Variants in FAP observed in about 807,000 individuals in gnomAD.
The protein encoded by FAP is prolyl endopeptidase FAP.
In FAP, 110 loss-of-function variants were observed where a neutral mutation model predicts 126.5. The ratio of observed to expected loss-of-function variants is 0.87; its 90% confidence interval spans 0.74 to 1.02. The LOEUF (loss-of-function observed/expected upper bound fraction) is 1.02. FAP is among the 50% of genes least tolerant of loss of function. The pLI is 0.00. For missense variants in FAP, 919 were observed against 909.2 expected (o/e 1.01, Z -0.14); for synonymous variants, 334 against 297.3 (o/e 1.12, Z -1.27).
At chr2:162,207,477 C>T (rs930349410) in intron 12 of FAP, among the ~76,000 whole-genome samples, 9 of 152,020 alleles carry the variant, frequency 5.9e-5, no homozygotes, top group African/African-American at 2.2e-4. Flanking sequence ...ATCACATGTC[C>T]CAGATAAGTA....
chr2:162,224,918 G>A (rs941982401), intron 4 of FAP, among the ~76,000 whole-genome samples: 1 of 152,110 alleles, frequency 6.6e-6, no homozygotes, highest in Non-Finnish European at 1.5e-5. Flanking sequence ...TCTAAACTTG[G>A]TTTCAAAAGA....
At chr2:162,183,240 C>G (rs1687751587) in intron 21 of FAP, among the ~76,000 whole-genome samples, 174 bp downstream of exon 21, 1 of 151,976 alleles carries the variant, frequency 6.6e-6, no homozygotes, top group Non-Finnish European at 1.5e-5. Flanking sequence ...AAAAAAGGAA[C>G]AAACACTTAA....
chr2:162,190,595 A>G (rs569500246), intron 17 of FAP, among the ~76,000 whole-genome samples: 1 of 152,258 alleles, frequency 6.6e-6, no homozygotes, highest in African/African-American at 2.4e-5. Flanking sequence ...GGCTTTTTAT[A>G]GACCTTATTT....
At position 162,174,858 on chromosome 2, in the gene FAP, T is replaced by C. The variant is rs1687431466; in HGVS notation, c.1969+9A>G. On this transcript the variant is annotated intron_variant, in intron 22 of 25. Transcript: ENST00000188790. ...GCTTTCACAGTAACATTAATGAATGTTTCCATACCGTAATATTCCCAGCTG... is the reference window on the plus strand; with the variant it reads ...GCTTTCACAGTAACATTAATGAATGCTTCCATACCGTAATATTCCCAGCTG... The C allele has an allele frequency of 6.3e-7, 1 of 1,581,556 alleles. No individual in the cohort carries two copies. The highest frequency in any genetic ancestry group is 8.7e-7 in the Non-Finnish European group (1 of 1,151,026).
chr2:162,212,186 A>T (rs1285781301), intron 11 of FAP, among the ~76,000 whole-genome samples: 1 of 152,192 alleles, frequency 6.6e-6, no homozygotes, highest in Admixed American at 6.5e-5. Flanking sequence ...GATTTTGATA[A>T]ATTAGAATTT....
At chr2:162,207,331 T>C (rs1159276814) in intron 12 of FAP, among the ~76,000 whole-genome samples, 1 of 152,216 alleles carries the variant, frequency 6.6e-6, no homozygotes, top group Non-Finnish European at 1.5e-5. Flanking sequence ...CAAATAATTT[T>C]TGATAATTTC....
chr2:162,181,232 G>A (rs981573556), intron 21 of FAP, among the ~76,000 whole-genome samples: 1 of 151,474 alleles, frequency 6.6e-6, no homozygotes, highest in African/African-American at 2.4e-5. Flanking sequence ...AGCCGAGATC[G>A]TACCACTGCA....
rs1163422362 is a variant in FAP at position 162,223,619 on chromosome 2, G to A, written c.402C>T (p.Asp134=). 6.2e-7 allele frequency: 1 copy of A among 1,604,196 alleles called. No individual in the cohort carries two copies. Among genetic ancestry groups the A allele is most frequent in the Admixed American group, 1.7e-5 (1 of 59,934 alleles). The part of the protein sequence containing the change: ...YSYTATYYIY[D]LSNGEFVRGN... ...CAGAGGTGATTTACCCATTGCTAAG[G>A]TCATAGATGTAATATGTTGCTGTGT... Residue 134 remains aspartate, a synonymous_variant, in exon 6 of 26, where the codon GAC becomes GAT. Transcript: ENST00000188790.
At chr2:162,204,166 G>GGTCTTT (rs1553687772) in intron 12 of FAP, among the ~76,000 whole-genome samples, 1 of 152,126 alleles carries the variant, frequency 6.6e-6, no homozygotes, top group East Asian at 1.9e-4. Context: ...GACCTATCCT[G>GGTCTTT]GTGAGACCTA....
chr2:162,189,218 G>A (rs766295106), intron 18 of FAP, 46 bp from the exon 19 acceptor site: 3 of 1,145,232 alleles, frequency 2.6e-6, no homozygotes, highest in East Asian at 4.9e-5. Flanking sequence ...CACAGCACTA[G>A]TAGCATCATT....
intron 20 of FAP, among the ~76,000 whole-genome samples, chr2:162,186,802 C>G (rs1687880426): frequency 6.6e-6 from 1 of 151,984 alleles, no homozygotes; most frequent in South Asian, 2.1e-4. Context: ...TGGAATTAAG[C>G]TATAATTCTG....
intron 21 of FAP, 56 bp from the exon 22 acceptor site, chr2:162,175,022 A>G (rs1283512592): frequency 8.0e-6 from 10 of 1,244,882 alleles, no homozygotes; most frequent in East Asian, 4.7e-5. Flanking sequence ...GCTTTCCTCC[A>G]TATGTTTATA....
chr2:162,230,024 G>A (rs1011191982), intron 2 of FAP, among the ~76,000 whole-genome samples: 3 of 152,152 alleles, frequency 2.0e-5, no homozygotes, highest in East Asian at 1.9e-4. Flanking sequence ...CACAGATTGG[G>A]CTGGGATGAT....
chr2:162,221,942 C>T (rs943310346), intron 6 of FAP, among the ~76,000 whole-genome samples: 2 of 151,854 alleles, frequency 1.3e-5, no homozygotes, highest in African/African-American at 2.4e-5. Flanking sequence ...CTAAATTATG[C>T]TGTATTTACC....
At chr2:162,192,667 G>T (rs1342207659) in intron 17 of FAP, among the ~76,000 whole-genome samples, 1 of 152,054 alleles carries the variant, frequency 6.6e-6, no homozygotes, top group Non-Finnish European at 1.5e-5. Context: ...GATCCAAAAT[G>T]ATGTCACTAC....
chr2:162,188,965 G>T, intron 19 of FAP, 138 bp downstream of exon 19: 2 of 460,726 alleles, frequency 4.3e-6, no homozygotes, highest in Non-Finnish European at 7.9e-6. Flanking sequence ...TATTTACTCT[G>T]ATTAGTTGAA....
chr2:162,192,958 C>A (rs1339938803), intron 17 of FAP, among the ~76,000 whole-genome samples: 13 of 152,092 alleles, frequency 8.5e-5, no homozygotes, highest in African/African-American at 2.9e-4. Flanking sequence ...TATCTTAGAA[C>A]TTACCCCACT....
Position 162,225,343 on chromosome 2 carries a change from G to C in FAP, c.285+140C>G, listed in dbSNP as rs558501799. 6 of 1,031,080 alleles carry C rather than the reference G, an allele frequency of 5.8e-6. No homozygotes were observed. In the East Asian group the frequency reaches 1.8e-4, roughly 30 times the overall value. 63.9% of individuals were successfully genotyped at this position (1,031,080 alleles called of 1,614,324 possible). A position where few individuals can be genotyped will look rare whatever the true frequency, so the allele number is the denominator to read the frequency against. On this transcript the variant is annotated intron_variant, in intron 4 of 25. Coordinates refer to ENST00000188790, the MANE Select transcript of FAP (RefSeq NM_004460.5). ...AGTAGTCTAATGGGACTAGCAGACA[G>C]AACGGGAAGACTCTAGTGGAGTATG...
intron 17 of FAP, 79 bp from the exon 18 acceptor site, chr2:162,189,833 A>T: frequency 1.4e-6 from 1 of 739,074 alleles, no homozygotes; most frequent in South Asian, 1.7e-5. Context: ...CTTTGACTTC[A>T]ATATGGGTGA....
Sources: gnomAD v4.1 joint callset for allele counts (sites outside exome capture counted in the v4.1 genomes callset) on GRCh38, gnomAD v4.1.1 for gene constraint, MANE v1.5 for transcripts, NCBI Gene and HGNC (gene_info 2026-07-23, HGNC 2026-07-21) for gene names.